The following ZNF607 variants were observed in gnomAD, a reference collection of about 807,000 sequenced individuals.
ZNF607 encodes the protein zinc finger protein 607.
A neutral mutation model predicts 12.8 loss-of-function variants in ZNF607; 5 were observed. The ratio of observed to expected loss-of-function variants is 0.39; its 90% CI spans 0.20 to 0.82. The LOEUF (loss-of-function observed/expected upper bound fraction) is 0.82, where lower values mean the gene tolerates loss of function less well. ZNF607 is among the 40% of genes least tolerant of loss of function. The pLI is 0.39. For missense variants in ZNF607, 851 were observed against 859.2 expected, an observed-to-expected ratio of 0.99 and a Z score of 0.12; for synonymous variants, 287 against 276.2, an observed-to-expected ratio of 1.04 and a Z score of -0.39.
At chr19:37,719,242 A>C (rs1022246811) in intron 1 of ZNF607, 27 bp downstream of exon 1, 2 of 153,040 alleles carry the variant, frequency 1.3e-5, no homozygotes, top group Non-Finnish European at 2.9e-5. Flanking sequence ...CACGGCATGT[A>C]CAGGTCACAC....
At chr19:37,708,237 C>A (rs2045103330) in intron 3 of ZNF607, among the ~76,000 whole-genome samples, 1 of 151,144 alleles carries the variant, frequency 6.6e-6, no homozygotes, top group South Asian at 2.1e-4. Flanking sequence ...GCTCTGTCAC[C>A]CAGGCTGGAG....
At position 37,707,920 on chromosome 19, in the gene ZNF607, AC is replaced by A. The variant is rs745595633; in HGVS notation, c.228del (p.Glu76AspfsTer11). 6.2e-7 allele frequency: 1 copy of A among 1,612,350 alleles called. No homozygotes were observed. The highest frequency in any genetic ancestry group is 1.1e-5 in the South Asian group (1 of 90,932). ...WMIVREETRG[E>X]CTDLDSRCEI... ...CTGCCTGACTTGCTCTTACCTGTAC[AC>A]TCTCCTCTTGTTTCTTCCCTCACAA... On this transcript the variant is annotated frameshift_variant, in exon 4 of 5. Transcript: ENST00000355202. LOFTEE classifies it low-confidence loss of function (END_TRUNC).
intron 4 of ZNF607, among the ~76,000 whole-genome samples, chr19:37,706,202 GAA>G (rs1054951954): frequency 1.3e-5 from 2 of 149,738 alleles, no homozygotes; most frequent in Non-Finnish European, 3.0e-5. Flanking sequence ...TCGAAAGATG[GAA>G]AAGAGAGGAG....
At chr19:37,702,205 T>C (rs1234274760) in intron 4 of ZNF607, among the ~76,000 whole-genome samples, 4 of 149,100 alleles carry the variant, frequency 2.7e-5, no homozygotes, top group African/African-American at 9.9e-5. Flanking sequence ...GGAAATCACT[T>C]GAACCTGGGA....
chr19:37,714,340 ACAGCAGCAG>A (rs1555735555), intron 1 of ZNF607, among the ~76,000 whole-genome samples: 41 of 148,332 alleles, frequency 2.8e-4, no homozygotes, highest in African/African-American at 9.1e-4. Context: ...AACAACAACA[ACAGCAGCAG>A]CAGCAGCAGC....
chr19:37,708,129 G>T, intron 3 of ZNF607, 117 bp from the exon 4 acceptor site: 1 of 679,496 alleles, frequency 1.5e-6, no homozygotes, highest in Non-Finnish European at 2.3e-6. Flanking sequence ...TTAGAGAAGA[G>T]TGAGGGAAAT....
At chr19:37,711,020 T>C (rs186640109) in intron 2 of ZNF607, among the ~76,000 whole-genome samples, 2 of 152,344 alleles carry the variant, frequency 1.3e-5, no homozygotes, top group Admixed American at 1.3e-4. Flanking sequence ...AGCATTTTTG[T>C]TTGTTTTGAC....
At chr19:37,704,929 C>T (rs1008718381) in intron 4 of ZNF607, among the ~76,000 whole-genome samples, 30 of 152,170 alleles carry the variant, frequency 2.0e-4, no homozygotes, top group Non-Finnish European at 3.7e-4. Context: ...CCAGCCTGGG[C>T]AACAGAGCGA....
intron 4 of ZNF607, among the ~76,000 whole-genome samples, chr19:37,701,853 T>C (rs1340666563): frequency 6.6e-6 from 1 of 151,872 alleles, no homozygotes; most frequent in Non-Finnish European, 1.5e-5. Flanking sequence ...ATGGACAACA[T>C]AGGAGATATA....
rs752774104 is a variant in ZNF607, at chr19:37,698,336, TA to T, written c.1794del (p.Phe598LeufsTer126). 4 of 1,614,180 alleles carry T rather than the reference TA, an allele frequency of 2.5e-6. No homozygotes were observed. Among genetic ancestry groups the T allele is most frequent in the Non-Finnish European group, 3.4e-6 (4 of 1,180,024 alleles). On this transcript the variant is annotated frameshift_variant, in exon 5 of 5. Coordinates refer to ENST00000355202, the MANE Select transcript of ZNF607 (RefSeq NM_032689.5). LOFTEE classifies it low-confidence loss of function (END_TRUNC). ...SYECKECGET[F>X]SHASHLIIHE... ...TGAATAATAAGATGTGAAGCATGAC[TA>T]AAAGTTTCCCCACATTCTTTACATT...
intron 1 of ZNF607, among the ~76,000 whole-genome samples, chr19:37,712,842 T>C (rs2045143947): frequency 6.6e-6 from 1 of 152,206 alleles, no homozygotes; most frequent in South Asian, 2.1e-4. Flanking sequence ...GCTTATCTTC[T>C]GTGGGTTCCT....
At chr19:37,701,825 A>G (rs1030643264) in intron 4 of ZNF607, among the ~76,000 whole-genome samples, 1 of 152,232 alleles carries the variant, frequency 6.6e-6, no homozygotes, top group Non-Finnish European at 1.5e-5. Flanking sequence ...CAAAGCTTAG[A>G]AAAACACACT....
At chr19:37,707,738 C>A (rs918731117) in intron 4 of ZNF607, among the ~76,000 whole-genome samples, 176 bp downstream of exon 4, 1 of 152,148 alleles carries the variant, frequency 6.6e-6, no homozygotes, top group East Asian at 1.9e-4. Flanking sequence ...CAGCGCTGGG[C>A]CTTCATTGGC....
rs1323436192 is a variant in ZNF607, at chr19:37,708,000, A to G, written c.149T>C (p.Val50Ala). ...DNLVSLAGHS[V>A]SKPDLITLLE... Reference sequence around the variant, plus strand: ...TAAGGTGATTAAATCTGGCTTAGATACGGAATGTCCTGCTTACAAAGAAAA... The same window carrying G: ...TAAGGTGATTAAATCTGGCTTAGATGCGGAATGTCCTGCTTACAAAGAAAA... Residue 50 changes from valine (V) to alanine (A), a missense_variant, in exon 4 of 5, where the codon GTA (valine) becomes GCA (alanine). Physicochemically the swap from Val to Ala is moderately conservative, Grantham distance 64 (BLOSUM62 0). Coordinates refer to ENST00000355202, the MANE Select transcript of ZNF607 (RefSeq NM_032689.5). 4 of 1,613,352 alleles carry G rather than the reference A, an allele frequency of 2.5e-6. No homozygotes were observed. The Admixed American group carries it at 6.7e-5, about 27-fold the overall frequency.
intron 4 of ZNF607, among the ~76,000 whole-genome samples, chr19:37,704,719 C>A (rs745872623): frequency 1.3e-5 from 2 of 152,172 alleles, no homozygotes; most frequent in Non-Finnish European, 2.9e-5. Context: ...AATCCCAGCA[C>A]CGGGCGAGCG....
intron 1 of ZNF607, among the ~76,000 whole-genome samples, chr19:37,718,382 C>T (rs531644371): frequency 1.3e-5 from 2 of 152,176 alleles, no homozygotes; most frequent in Non-Finnish European, 2.9e-5. Context: ...TCCAAGGCTG[C>T]AGGCGCGTAA....
At position 37,709,692 on chromosome 19, in the gene ZNF607, A is replaced by G. The variant is rs772504512; in HGVS notation, c.136+4T>C. 2.5e-6 allele frequency: 4 copies of G among 1,612,386 alleles called. No homozygotes were observed. Among genetic ancestry groups the G allele is most frequent in the Non-Finnish European group, 3.4e-6 (4 of 1,178,758 alleles). On this transcript the variant is annotated splice_donor_region_variant and intron_variant, in intron 3 of 4. Coordinates refer to ENST00000355202, the MANE Select transcript of ZNF607 (RefSeq NM_032689.5). The stretch of plus-strand genomic sequence containing the variant: ...TCTAAATCATTCCAGGTTGATAAAC[A>G]TACCCAATGAGACTAAGTTGTCATA...
chr19:37,706,194 G>C (rs931180542), intron 4 of ZNF607, among the ~76,000 whole-genome samples: 5 of 149,430 alleles, frequency 3.3e-5, no homozygotes, highest in Admixed American at 2.7e-4. Flanking sequence ...ACTCTATCTC[G>C]AAAGATGGAA....
At chr19:37,704,724 C>T (rs920888395) in intron 4 of ZNF607, among the ~76,000 whole-genome samples, 5 of 152,104 alleles carry the variant, frequency 3.3e-5, no homozygotes, top group African/African-American at 9.7e-5. Context: ...CAGCACCGGG[C>T]GAGCGGGCGG....
Sources: gnomAD v4.1 joint callset for allele counts (sites outside exome capture counted in the v4.1 genomes callset) on GRCh38, gnomAD v4.1.1 for gene constraint, MANE v1.5 for transcripts, NCBI Gene and HGNC (gene_info 2026-07-23, HGNC 2026-07-21) for gene names.